The following COMMD7 variants were observed in gnomAD, a reference collection of about 807,000 sequenced individuals.
COMMD7 encodes the protein COMM domain containing 7.
Under a neutral mutation model 34.8 loss-of-function variants are expected in COMMD7, and 28 were observed. The observed-to-expected ratio is 0.80, with a 90% CI of 0.60 to 1.10. The LOEUF is 1.10. Among genes scored for constraint, COMMD7 ranks in the 50% least tolerant of loss-of-function variants. The pLI, the probability that COMMD7 is intolerant of heterozygous loss-of-function variation, is 0.00. For missense variants in COMMD7, 211 were observed against 241.6 expected (o/e 0.87, Z 0.84); for synonymous variants, 80 against 86.4 (o/e 0.93, Z 0.41).
chr20:32,712,612 T>A (rs1290644030), intron 3 of COMMD7, among the ~76,000 whole-genome samples: 9 of 141,890 alleles, frequency 6.3e-5, no homozygotes, highest in Admixed American at 2.2e-4. Flanking sequence ...CCCAGACCTT[T>A]AAAAAAAAAA....
At chr20:32,707,283 C>CAAAA (rs1242140132) in intron 3 of COMMD7, among the ~76,000 whole-genome samples, 15 of 67,054 alleles carry the variant, frequency 2.2e-4, no homozygotes, top group Admixed American at 9.4e-4. Flanking sequence ...GACTCCGTCT[C>CAAAA]AAAAAAAAAA....
chr20:32,704,789 C>G, intron 6 of COMMD7, 25 bp downstream of exon 6: 1 of 1,564,904 alleles, frequency 6.4e-7, no homozygotes, highest in Non-Finnish European at 8.8e-7. Flanking sequence ...ACCCAAATAA[C>G]CCAGGACTGG....
At chr20:32,742,449 A>AGTGGGGGT (rs1986498089) in intron 1 of COMMD7, 1 of 152,038 alleles carries the variant, frequency 6.6e-6, no homozygotes, top group South Asian at 2.1e-4. Flanking sequence ...GTATCTTCCC[A>AGTGGGGGT]GTGGGGGTGA....
Position 32,743,419 on chromosome 20 carries a change from A to ACCG in COMMD7, c.-31_-29dup, listed in dbSNP as rs768473969. ...CGCGCGCCCCAGCCCCGCAGGTTCC[A>ACCG]CCGCCGCCGCCGCCCTGCTCAGCTT... On this transcript the variant is annotated 5_prime_UTR_variant, in exon 1 of 9. Coordinates refer to ENST00000278980, the MANE Select transcript of COMMD7 (RefSeq NM_053041.3). 95 of 1,317,748 alleles carry ACCG rather than the reference A, an allele frequency of 7.2e-5. No homozygotes were observed. In the Middle Eastern group the frequency reaches 8.5e-4, roughly 12 times the overall value. The allele number at this position is 1,317,748 out of a possible 1,614,324, so 81.6% of individuals were successfully genotyped here.
intron 1 of COMMD7, among the ~76,000 whole-genome samples, chr20:32,733,983 C>T (rs1985994744): frequency 6.6e-6 from 1 of 150,698 alleles, no homozygotes; most frequent in Admixed American, 6.7e-5. Flanking sequence ...CAGAGACCAT[C>T]CTGGCTACGG....
At position 32,704,006 on chromosome 20, in the gene COMMD7, T is replaced by C; in HGVS notation, c.526+17A>G. 1 of 1,614,036 alleles carries C rather than the reference T, an allele frequency of 6.2e-7. No individual in the cohort carries two copies. Among genetic ancestry groups the C allele is most frequent in the Non-Finnish European group, 8.5e-7 (1 of 1,179,988 alleles). On this transcript the variant is annotated intron_variant, in intron 8 of 8. Transcript: ENST00000278980. ...CACAAAAAAGGTGAAGAGGCTCAAG[T>C]GGGAATTCAGACTCACCTATATACA...
At chr20:32,715,189 T>A (rs1213865906) in intron 3 of COMMD7, among the ~76,000 whole-genome samples, 1 of 123,284 alleles carries the variant, frequency 8.1e-6, no homozygotes, top group Non-Finnish European at 1.7e-5. Context: ...ATAATAATAA[T>A]AAAAAAACAG....
chr20:32,743,099 C>G (rs1040878701), intron 1 of COMMD7, among the ~76,000 whole-genome samples: 2 of 152,114 alleles, frequency 1.3e-5, no homozygotes, highest in African/African-American at 4.8e-5. Flanking sequence ...CTTAGGCCTC[C>G]GGAGATCCCT....
At chr20:32,740,267 A>T (rs968721589) in intron 1 of COMMD7, among the ~76,000 whole-genome samples, 18 of 150,504 alleles carry the variant, frequency 1.2e-4, no homozygotes, top group African/African-American at 3.9e-4. Flanking sequence ...CAGTGAGCCG[A>T]GATCACGCCA....
At chr20:32,706,979 AT>A (rs1427723672) in intron 3 of COMMD7, among the ~76,000 whole-genome samples, 1 of 151,906 alleles carries the variant, frequency 6.6e-6, no homozygotes, top group Non-Finnish European at 1.5e-5. Context: ...TATTTAAAAA[AT>A]ATATTTATTT....
intron 1 of COMMD7, 101 bp from the exon 2 acceptor site, chr20:32,728,243 C>T (rs1192315534): frequency 1.9e-6 from 2 of 1,069,268 alleles, no homozygotes; most frequent in Non-Finnish European, 2.8e-6. Context: ...AGAACAGTAA[C>T]AGCCAGGTGT....
chr20:32,728,959 C>T (rs376664549), intron 1 of COMMD7, among the ~76,000 whole-genome samples: 18 of 152,206 alleles, frequency 1.2e-4, no homozygotes, highest in South Asian at 6.2e-4. Flanking sequence ...CTAGAACAGA[C>T]TCTTACAGTT....
At chr20:32,714,824 A>AAACAACAACAACAACAACAACAACAAC (rs55911529) in intron 3 of COMMD7, among the ~76,000 whole-genome samples, 25 of 139,792 alleles carry the variant, frequency 1.8e-4, no homozygotes, top group Non-Finnish European at 2.7e-4. Flanking sequence ...ACTCCATCTC[A>AAACAACAACAACAACAACAACAACAAC]AACAACAACA....
chr20:32,732,729 A>G (rs1038560707), intron 1 of COMMD7, among the ~76,000 whole-genome samples: 6 of 151,324 alleles, frequency 4.0e-5, no homozygotes, highest in African/African-American at 1.5e-4. Context: ...GATCTAGACC[A>G]TCCTGGCTAA....
intron 1 of COMMD7, among the ~76,000 whole-genome samples, chr20:32,737,053 G>A (rs1239889692): frequency 1.3e-5 from 2 of 151,432 alleles, no homozygotes; most frequent in Admixed American, 1.3e-4. Flanking sequence ...GTAGTGGCGG[G>A]CACCTGTAGT....
chr20:32,708,163 C>A (rs1424152020), intron 3 of COMMD7, among the ~76,000 whole-genome samples: 2 of 152,170 alleles, frequency 1.3e-5, no homozygotes, highest in Non-Finnish European at 2.9e-5. Flanking sequence ...TTGCTAGGCT[C>A]CAATTCCTGA....
chr20:32,724,951 T>TAAAAAAAAAAAAAAAAAA (rs1175774267), intron 3 of COMMD7, among the ~76,000 whole-genome samples: 1 of 13,874 alleles, frequency 7.2e-5, no homozygotes, highest in African/African-American at 2.3e-4. Context: ...AAAATAAATT[T>TAAAAAAAAAAAAAAAAAA]AAAAAAAAAA....
chr20:32,704,505 AAAAAAAG>A lies in COMMD7; in HGVS notation c.428-23_428-17del. ...CCAGATGTCACTGTGACAAAAAAAA[AAAAAAAG>A]AGAGAGAGAGAGAGAAATAACAAGT... On this transcript the variant is annotated splice_polypyrimidine_tract_variant and intron_variant, in intron 6 of 8. Transcript: ENST00000278980. 1 of 1,600,138 alleles carries A rather than the reference AAAAAAAG, an allele frequency of 6.2e-7. No individual in the cohort carries two copies. Among genetic ancestry groups the A allele is most frequent in the South Asian group, 1.1e-5 (1 of 87,884 alleles).
intron 3 of COMMD7, among the ~76,000 whole-genome samples, chr20:32,712,395 C>A (rs2145724363): frequency 6.6e-6 from 1 of 151,110 alleles, no homozygotes. Flanking sequence ...GTAGTCCCAG[C>A]TACTTAGGAG....
Sources: allele counts gnomAD v4.1 joint callset (sites outside exome capture counted in the v4.1 genomes callset), GRCh38; gene constraint gnomAD v4.1.1; transcripts MANE v1.5; gene names NCBI Gene and HGNC (gene_info 2026-07-23, HGNC 2026-07-21).